GPC5: variants seen among roughly 807,000 people sequenced by gnomAD.
GPC5 encodes the protein glypican-5.
In GPC5, 47 loss-of-function variants were observed where a neutral mutation model predicts 53.9. The ratio of observed to expected loss-of-function variants is 0.87; its 90% CI spans 0.69 to 1.11. The LOEUF is 1.11. Among genes scored for constraint, GPC5 ranks in the 50% most tolerant of loss-of-function variants. The pLI, the probability that GPC5 is intolerant of heterozygous loss-of-function variation, is 0.00. For missense variants in GPC5, 748 were observed against 713.1 expected, an observed-to-expected ratio of 1.05 and a Z score of -0.56; for synonymous variants, 286 against 263.3, an observed-to-expected ratio of 1.09 and a Z score of -0.84.
chr13:92,485,164 G>T (rs1297788281), intron 7 of GPC5, among the ~76,000 whole-genome samples: 1 of 152,154 alleles, frequency 6.6e-6, no homozygotes, highest in Non-Finnish European at 1.5e-5. Flanking sequence ...TCTGTGGAAA[G>T]TTTCAAACAC....
intron 6 of GPC5, among the ~76,000 whole-genome samples, chr13:92,137,326 C>T (rs1454742309): frequency 1.3e-5 from 2 of 152,126 alleles, no homozygotes; most frequent in Non-Finnish European, 2.9e-5. Flanking sequence ...TGACTTTGTA[C>T]CCACCATGAC....
chr13:92,370,213 AT>A (rs915041828), intron 7 of GPC5, among the ~76,000 whole-genome samples: 13 of 152,134 alleles, frequency 8.5e-5, no homozygotes, highest in Non-Finnish European at 1.8e-4. Flanking sequence ...TTAAAAATGT[AT>A]TTTTTCCTAG....
rs765633032 is a variant in GPC5, at chr13:92,428,449, G to A, written c.1561+283460G>A. Among the ~76,000 whole-genome samples, 43 of 152,102 alleles carry A rather than the reference G, an allele frequency of 2.8e-4. 1 individual carries two copies. The highest frequency in any genetic ancestry group is 5.1e-4 in the Non-Finnish European group (35 of 67,982). On this transcript the variant is annotated intron_variant, in intron 7 of 7. Transcript: ENST00000377067. ...ATCATCCAGACGCCAGCTTGCCTCC[G>A]ATTGGTCCATATTTTTCAGTACTGT... is the stretch of plus-strand genomic sequence containing the variant.
At chr13:92,848,621 A>T (rs745726264) in intron 7 of GPC5, among the ~76,000 whole-genome samples, 6 of 152,162 alleles carry the variant, frequency 3.9e-5, no homozygotes, top group Non-Finnish European at 8.8e-5. Context: ...ACATATAGAC[A>T]TATATGACTC....
intron 2 of GPC5, among the ~76,000 whole-genome samples, chr13:91,597,591 T>A (rs2033040136): frequency 6.6e-6 from 1 of 152,210 alleles, no homozygotes; most frequent in Non-Finnish European, 1.5e-5. Context: ...TAGACCCATT[T>A]CAAACCATAC....
rs956325451 is a variant in GPC5 at position 92,416,649 on chromosome 13, A to G, written c.1561+271660A>G. On this transcript the variant is annotated intron_variant, in intron 7 of 7. Coordinates refer to ENST00000377067, the MANE Select transcript of GPC5 (RefSeq NM_004466.6). The stretch of plus-strand genomic sequence containing the variant: ...AAAAATGTAGGAATAAATCTTTGTA[A>G]TTTAGGATTAGGCATAGCCTTATTA... Among the ~76,000 whole-genome samples the G allele has an allele frequency of 1.4e-4, 22 of 152,204 alleles. 1 individual carries two copies. The highest frequency in any genetic ancestry group is 2.9e-5 in the Non-Finnish European group (2 of 68,018).
chr13:91,590,701 A>G (rs2032764546), intron 2 of GPC5, among the ~76,000 whole-genome samples: 1 of 152,134 alleles, frequency 6.6e-6, no homozygotes, highest in African/African-American at 2.4e-5. Flanking sequence ...CAGGGGCTTA[A>G]TTTTACATGT....
chr13:91,736,580 A>C (rs2036820255), intron 4 of GPC5, among the ~76,000 whole-genome samples: 2 of 151,348 alleles, frequency 1.3e-5, no homozygotes, highest in South Asian at 2.1e-4. Flanking sequence ...ATAACCCATT[A>C]ATTAAAATAA....
At chr13:92,236,657 G>A (rs1324955477) in intron 7 of GPC5, among the ~76,000 whole-genome samples, 1 of 151,902 alleles carries the variant, frequency 6.6e-6, no homozygotes, top group African/African-American at 2.4e-5. Context: ...AACATTCTTT[G>A]AGAACTAGAC....
chr13:91,850,474 C>A (rs775994941), intron 5 of GPC5, among the ~76,000 whole-genome samples: 2 of 152,036 alleles, frequency 1.3e-5, no homozygotes, highest in African/African-American at 4.8e-5. Context: ...TTTAATGTTG[C>A]CCTCTGCAAC....
intron 7 of GPC5, among the ~76,000 whole-genome samples, chr13:92,229,682 C>G (rs1280506426): frequency 6.6e-6 from 1 of 152,038 alleles, no homozygotes; most frequent in African/African-American, 2.4e-5. Flanking sequence ...GTGTATAATT[C>G]AGCCGAAACC....
In GPC5 at chr13:91,875,388, C is replaced by T. The variant is rs527349878; in HGVS notation, c.1281-32549C>T. Among the ~76,000 whole-genome samples the T allele has an allele frequency of 4.7e-4, 72 of 152,102 alleles. 1 individual carries two copies. The highest frequency in any genetic ancestry group is 1.7e-3 in the South Asian group (8 of 4,828). On this transcript the variant is annotated intron_variant, in intron 5 of 7. Transcript: ENST00000377067. ...TTTATGGGAACACTAGATTGAGGTA[C>T]GCTTAAGATGATATATTTTTGTTTT...
chr13:92,302,600 G>A (rs77144641), intron 7 of GPC5, among the ~76,000 whole-genome samples: 1 of 152,198 alleles, frequency 6.6e-6, no homozygotes, highest in East Asian at 1.9e-4. Context: ...AGTCTATTAA[G>A]CTTATCATGA....
chr13:91,555,851 T>A (rs1418733467), intron 2 of GPC5, among the ~76,000 whole-genome samples: 1 of 152,046 alleles, frequency 6.6e-6, no homozygotes, highest in East Asian at 1.9e-4. Context: ...CTGAAAGTTA[T>A]TCACTACCAT....
At chr13:92,122,740 CTTTTTTTTTTT>C (rs3058805) in intron 6 of GPC5, among the ~76,000 whole-genome samples, 3 of 67,118 alleles carry the variant, frequency 4.5e-5, no homozygotes, top group South Asian at 1.3e-3. Flanking sequence ...ATAGGTCAGT[CTTTTTTTTTTT>C]TTTTTTTTTT....
At chr13:91,742,373 CTTTG>C (rs2036953905) in intron 4 of GPC5, among the ~76,000 whole-genome samples, 3 of 152,094 alleles carry the variant, frequency 2.0e-5, no homozygotes, top group Non-Finnish European at 4.4e-5. Flanking sequence ...TTGAAAAGTA[CTTTG>C]CTCCACCTAA....
chr13:92,577,412 A>ATATGTGTGTGTG (rs1883221668), intron 7 of GPC5, among the ~76,000 whole-genome samples: 1 of 107,294 alleles, frequency 9.3e-6, no homozygotes, highest in African/African-American at 3.3e-5. Flanking sequence ...GTAAGTATGT[A>ATATGTGTGTGTG]TGTATATGTG....
At chr13:91,867,678 CCA>C (rs1479007791) in intron 5 of GPC5, among the ~76,000 whole-genome samples, 1 of 152,062 alleles carries the variant, frequency 6.6e-6, no homozygotes, top group African/African-American at 2.4e-5. Context: ...TAGAATTAAG[CCA>C]GAGTGCTTTG....
chr13:92,787,126 A>C (rs1399406484), intron 7 of GPC5, among the ~76,000 whole-genome samples: 1 of 152,302 alleles, frequency 6.6e-6, no homozygotes, highest in East Asian at 1.9e-4. Flanking sequence ...TAATGAACTC[A>C]AGATAGGTCC....
Sources: gnomAD v4.1 joint callset for allele counts (sites outside exome capture counted in the v4.1 genomes callset) on GRCh38, gnomAD v4.1.1 for gene constraint, MANE v1.5 for transcripts, NCBI Gene and HGNC (gene_info 2026-07-23, HGNC 2026-07-21) for gene names.